Variants in RYR3 observed in about 807,000 individuals in gnomAD.
RYR3 encodes brain ryanodine receptor-calcium release channel.
RYR3 carries 207 observed loss-of-function variants against 584.3 expected under a neutral mutation model. The observed-to-expected ratio is 0.35, with a 90% confidence interval of 0.32 to 0.40. The LOEUF (loss-of-function observed/expected upper bound fraction) is 0.40, where lower values mean the gene tolerates loss of function less well. RYR3 is among the 10% of genes least tolerant of loss of function. The pLI is 1.00. For synonymous variants in RYR3, 2,416 were observed against 2,248.5 expected (o/e 1.07, Z -2.11); for missense variants, 5,616 against 6,089.2 (o/e 0.92, Z 2.59).
chr15:33,728,975 G>T lies in RYR3; in HGVS notation c.7152G>T (p.Leu2384Phe), dbSNP rs1427581990. 1.2e-6 allele frequency: 2 copies of T among 1,613,950 alleles called. No individual in the cohort carries two copies. Among genetic ancestry groups the T allele is most frequent in the Non-Finnish European group, 1.7e-6 (2 of 1,179,862 alleles). Residue 2384 changes from leucine (L) to phenylalanine (F), a missense_variant, in exon 47 of 104, where the codon TTG becomes TTT. By Grantham distance (22) the Leu-to-Phe change is conservative. Transcript: ENST00000634891. Reference protein sequence around the residue: ...GIKDQTFLLHLLEVGFLPDLR... With the variant: ...GIKDQTFLLHFLEVGFLPDLR... ...AGGATCAAACTTTTCTGCTCCACTT[G>T]CTGGAGGTTGGATTTTTACCTGACC...
At chr15:33,395,879 C>T (rs1231087582) in intron 1 of RYR3, among the ~76,000 whole-genome samples, 1 of 152,234 alleles carries the variant, frequency 6.6e-6, no homozygotes, top group East Asian at 1.9e-4. Flanking sequence ...AAGTCCTTTA[C>T]ATAAAATGGC....
At chr15:33,377,866 T>TTACTG (rs749631605) in intron 1 of RYR3, among the ~76,000 whole-genome samples, 24,231 of 107,666 alleles carry the variant, frequency 0.23, 2,241 homozygotes, top group African/African-American at 0.35. Context: ...CCATCATGGC[T>TTACTG]CACTCCCAGG....
chr15:33,540,338 A>T (rs2055712036), intron 6 of RYR3, among the ~76,000 whole-genome samples: 1 of 152,120 alleles, frequency 6.6e-6, no homozygotes, highest in Non-Finnish European at 1.5e-5. Flanking sequence ...GGTAATAAAA[A>T]GCACCATTTG....
intron 64 of RYR3, among the ~76,000 whole-genome samples, chr15:33,775,021 A>G (rs2152893175): frequency 6.6e-6 from 1 of 151,242 alleles, no homozygotes; most frequent in Non-Finnish European, 1.5e-5. Flanking sequence ...AAGCTTATGC[A>G]TTCTTCTCTT....
intron 86 of RYR3, 124 bp from the exon 87 acceptor site, chr15:33,834,844 A>G (rs2077935645): frequency 3.3e-6 from 2 of 612,184 alleles, no homozygotes; most frequent in Non-Finnish European, 5.7e-6. Context: ...ATACTGAGCT[A>G]TGAAATATTT....
Position 33,662,760 on chromosome 15 carries a change from C to G in RYR3, c.5230C>G (p.Arg1744Gly). ...VMGVFDDDDV[R>G]QILLLIDPSV... ...GGGCGTGTTTGATGATGATGATGTT[C>G]GGCAGATCCTCCTCCTGATTGATCC... Residue 1744 changes from arginine to glycine, a missense_variant, in exon 35 of 104, where the codon CGG becomes GGG. Coordinates refer to ENST00000634891, the MANE Select transcript of RYR3 (RefSeq NM_001036.6). The G allele has an allele frequency of 6.2e-7, 1 of 1,613,968 alleles. No individual in the cohort carries two copies. Among genetic ancestry groups the G allele is most frequent in the Non-Finnish European group, 8.5e-7 (1 of 1,179,974 alleles).
At chr15:33,484,749 T>C (rs2050268313) in intron 2 of RYR3, among the ~76,000 whole-genome samples, 1 of 152,084 alleles carries the variant, frequency 6.6e-6, no homozygotes, top group African/African-American at 2.4e-5. Context: ...AGGGCATATA[T>C]TGGAGGAGGG....
intron 84 of RYR3, 39 bp from the exon 85 acceptor site, chr15:33,827,160 T>C: frequency 6.6e-7 from 1 of 1,512,298 alleles, no homozygotes; most frequent in South Asian, 1.2e-5. Flanking sequence ...CCCCTCGGCA[T>C]GGCAGGGACA....
intron 102 of RYR3, among the ~76,000 whole-genome samples, chr15:33,863,425 C>T (rs1275251722): frequency 6.6e-6 from 1 of 152,030 alleles, no homozygotes; most frequent in Admixed American, 6.5e-5. Context: ...AGACTCTCCA[C>T]CCTCAGAAGG....
chr15:33,502,320 T>C (rs1322027421), intron 2 of RYR3, among the ~76,000 whole-genome samples: 1 of 152,206 alleles, frequency 6.6e-6, no homozygotes, highest in Non-Finnish European at 1.5e-5. Context: ...AACTAAATGC[T>C]GAAGTTAGAG....
intron 103 of RYR3, 47 bp from the exon 104 acceptor site, chr15:33,865,084 T>C (rs1597150822): frequency 6.7e-7 from 1 of 1,494,496 alleles, no homozygotes; most frequent in African/African-American, 1.4e-5. Flanking sequence ...GGGTTTTAGC[T>C]TTTACTGTGG....
At chr15:33,745,898 C>T (rs894833841) in intron 52 of RYR3, among the ~76,000 whole-genome samples, 170 bp from the exon 53 acceptor site, 4 of 152,162 alleles carry the variant, frequency 2.6e-5, no homozygotes, top group East Asian at 1.9e-4. Context: ...ATTCAGGAGG[C>T]GGAGAGCCTG....
intron 38 of RYR3, among the ~76,000 whole-genome samples, chr15:33,680,156 TA>T (rs1344670293): frequency 6.6e-6 from 1 of 152,158 alleles, no homozygotes; most frequent in African/African-American, 2.4e-5. Context: ...GAGTGGGGGC[TA>T]GGGAATATAA....
intron 1 of RYR3, among the ~76,000 whole-genome samples, chr15:33,465,226 C>G (rs2142122255): frequency 6.6e-6 from 1 of 151,574 alleles, no homozygotes; most frequent in Non-Finnish European, 1.5e-5. Context: ...GTTTGAGATA[C>G]TTATCACATT....
intron 12 of RYR3, among the ~76,000 whole-genome samples, chr15:33,578,163 T>C (rs888711705): frequency 1.3e-5 from 2 of 152,272 alleles, no homozygotes. Flanking sequence ...TCGGTAGGAA[T>C]GTAAATTAGT....
chr15:33,634,142 CCCG>C (rs777707810), intron 24 of RYR3, among the ~76,000 whole-genome samples: 12 of 152,136 alleles, frequency 7.9e-5, no homozygotes, highest in Non-Finnish European at 1.6e-4. Context: ...ACCTTCATCT[CCCG>C]GGTTCAAGTG....
chr15:33,515,003 CA>C (rs766401569), intron 3 of RYR3, among the ~76,000 whole-genome samples: 3,530 of 141,510 alleles, frequency 0.025, 54 homozygotes, highest in Non-Finnish European at 0.038. Flanking sequence ...GACTCTGTCT[CA>C]AAAAAAAAAA....
intron 65 of RYR3, 151 bp from the exon 66 acceptor site, chr15:33,785,511 G>A (rs2074651483): frequency 3.2e-6 from 2 of 626,046 alleles, no homozygotes; most frequent in Admixed American, 6.1e-5. Flanking sequence ...ACAGACAGCT[G>A]GAGGACAAAA....
At chr15:33,377,140 C>T (rs1295137600) in intron 1 of RYR3, among the ~76,000 whole-genome samples, 2 of 152,194 alleles carry the variant, frequency 1.3e-5, no homozygotes, top group Non-Finnish European at 2.9e-5. Flanking sequence ...AAGTTAATAC[C>T]TGAAGTAAAT....
Sources: allele counts gnomAD v4.1 joint callset (sites outside exome capture counted in the v4.1 genomes callset), GRCh38; gene constraint gnomAD v4.1.1; transcripts MANE v1.5; gene names NCBI Gene and HGNC (gene_info 2026-07-23, HGNC 2026-07-21).